TBC1D22B: variants seen among roughly 807,000 people sequenced by gnomAD.
TBC1D22B encodes the protein TBC1 domain family member 22B.
In TBC1D22B, 32 loss-of-function variants were observed where a neutral mutation model predicts 69.1. That is an observed-to-expected ratio of 0.46 (90% CI 0.35 to 0.62). TBC1D22B has a LOEUF of 0.62. TBC1D22B is among the 20% of genes least tolerant of loss of function. TBC1D22B has a pLI of 0.00. For synonymous variants in TBC1D22B, 206 were observed against 229.8 expected (o/e 0.90, Z 0.94); for missense variants, 462 against 630.9 (o/e 0.73, Z 2.87).
chr6:37,270,591 T>A (rs1183720837), intron 2 of TBC1D22B, among the ~76,000 whole-genome samples: 1 of 152,156 alleles, frequency 6.6e-6, no homozygotes, highest in Non-Finnish European at 1.5e-5. Context: ...TACCCCCAAT[T>A]ATCCCTTTAT....
intron 8 of TBC1D22B, among the ~76,000 whole-genome samples, chr6:37,295,093 A>T (rs945233827): frequency 4.6e-5 from 7 of 152,102 alleles, no homozygotes; most frequent in South Asian, 2.1e-4. Context: ...TCCAATTTTT[A>T]AAAAAATTTT....
At chr6:37,315,070 G>T (rs555700190) in intron 10 of TBC1D22B, among the ~76,000 whole-genome samples, 39 of 152,240 alleles carry the variant, frequency 2.6e-4, no homozygotes, top group Admixed American at 1.3e-4. Flanking sequence ...TCTTCTGGGG[G>T]ATAAGCTGGC....
rs1190367457 is a variant in TBC1D22B, at chr6:37,276,917, T to A, written c.114-2387T>A. ...AAACAAACAAAAATATATATATATA[T>A]AAAACGAAAACCTTCAAATGCATAA... is the stretch of plus-strand genomic sequence containing the variant. On this transcript the variant is annotated intron_variant, in intron 2 of 12. Coordinates refer to ENST00000373491, the MANE Select transcript of TBC1D22B (RefSeq NM_017772.4). Among the ~76,000 whole-genome samples the A allele has an allele frequency of 4.0e-5, 6 of 151,212 alleles. 1 individual carries two copies. Among genetic ancestry groups the A allele is most frequent in the South Asian group, 4.2e-4 (2 of 4,814 alleles).
At chr6:37,289,845 A>T (rs971453071) in intron 7 of TBC1D22B, among the ~76,000 whole-genome samples, 1 of 152,040 alleles carries the variant, frequency 6.6e-6, no homozygotes, top group African/African-American at 2.4e-5. Context: ...TTCCCATTAG[A>T]GTGTTGGGCC....
intron 12 of TBC1D22B, among the ~76,000 whole-genome samples, chr6:37,330,516 G>A (rs1034514610): frequency 1.3e-5 from 2 of 152,078 alleles, no homozygotes; most frequent in Admixed American, 6.5e-5. Flanking sequence ...GATTACAGGC[G>A]TGAGCCACCG....
intron 3 of TBC1D22B, among the ~76,000 whole-genome samples, chr6:37,280,992 C>T (rs566451745): frequency 3.3e-5 from 5 of 152,330 alleles, no homozygotes; most frequent in East Asian, 1.9e-4. Flanking sequence ...CCAACTGCCT[C>T]GTGGAAGTTG....
chr6:37,328,647 T>C (rs1768497295), intron 12 of TBC1D22B, among the ~76,000 whole-genome samples: 1 of 152,222 alleles, frequency 6.6e-6, no homozygotes. Flanking sequence ...GGAAAAGGAC[T>C]GGAAGGAAAT....
chr6:37,309,330 T>C (rs1767833379), intron 8 of TBC1D22B, among the ~76,000 whole-genome samples: 1 of 152,226 alleles, frequency 6.6e-6, no homozygotes, highest in Non-Finnish European at 1.5e-5. Context: ...ACAGCGATGC[T>C]CCTGTTGCCC....
chr6:37,306,970 T>G (rs1767739721), intron 8 of TBC1D22B, among the ~76,000 whole-genome samples: 1 of 152,200 alleles, frequency 6.6e-6, no homozygotes, highest in Non-Finnish European at 1.5e-5. Flanking sequence ...ACCATCTCAT[T>G]GGAGTGGCCA....
At chr6:37,308,387 C>A (rs1022227785) in intron 8 of TBC1D22B, among the ~76,000 whole-genome samples, 2 of 152,238 alleles carry the variant, frequency 1.3e-5, no homozygotes, top group African/African-American at 4.8e-5. Flanking sequence ...CCTTTCTCCA[C>A]TGCTTTTTGC....
At chr6:37,315,695 C>T (rs962034003) in intron 10 of TBC1D22B, among the ~76,000 whole-genome samples, 8 of 152,122 alleles carry the variant, frequency 5.3e-5, no homozygotes, top group African/African-American at 1.9e-4. Flanking sequence ...CCCACCTCAG[C>T]CTCCTGAGTT....
Position 37,327,200 on chromosome 6 carries a change from C to T in TBC1D22B, c.1390-3844C>T, listed in dbSNP as rs544605045. On this transcript the variant is annotated intron_variant, in intron 12 of 12. Transcript: ENST00000373491. ...TTTAAAAAATAAGTTGAGATAGGGC[C>T]GGGCGCGGTGGCTCGCGCCTGTAAT... 6.3e-5 allele frequency among the ~76,000 whole-genome samples: 6 copies of T among 95,048 alleles called. No individual in the cohort carries two copies. The South Asian group carries it at 8.4e-4, about 13-fold the overall frequency. 62.4% of individuals were successfully genotyped at this position (95,048 alleles called of 152,430 possible).
chr6:37,285,760 T>C (rs182149829), intron 6 of TBC1D22B, among the ~76,000 whole-genome samples: 41 of 152,356 alleles, frequency 2.7e-4, no homozygotes, highest in Admixed American at 2.5e-3. Flanking sequence ...CCCAAAGTGC[T>C]GGGATTACAG....
At chr6:37,304,978 A>T (rs1227304397) in intron 8 of TBC1D22B, among the ~76,000 whole-genome samples, 1 of 152,226 alleles carries the variant, frequency 6.6e-6, no homozygotes, top group African/African-American at 2.4e-5. Flanking sequence ...CCGCCTTCAC[A>T]CTGAGGAGAT....
chr6:37,286,815 G>T (rs1288008337), intron 6 of TBC1D22B, among the ~76,000 whole-genome samples, 192 bp from the exon 7 acceptor site: 2 of 151,886 alleles, frequency 1.3e-5, no homozygotes, highest in South Asian at 4.2e-4. Flanking sequence ...CTGGTGGCAG[G>T]TGCCTGTAAT....
Position 37,328,925 on chromosome 6 carries a change from C to T in TBC1D22B, c.1390-2119C>T, listed in dbSNP as rs372954631. ...TATTTTTAGTAGAGACGGGGTTTCACCATGTTGGCCAGGCTGGTCTCAAAC... is the reference window on the plus strand; with the variant it reads ...TATTTTTAGTAGAGACGGGGTTTCATCATGTTGGCCAGGCTGGTCTCAAAC... On this transcript the variant is annotated intron_variant, in intron 12 of 12. Transcript: ENST00000373491. Among the ~76,000 whole-genome samples the T allele has an allele frequency of 4.5e-4, 68 of 152,170 alleles. 1 individual carries two copies. The South Asian group carries it at 0.013, about 30-fold the overall frequency.
At chr6:37,271,303 ACT>A (rs910086497) in intron 2 of TBC1D22B, among the ~76,000 whole-genome samples, 8 of 152,124 alleles carry the variant, frequency 5.3e-5, no homozygotes, top group Non-Finnish European at 2.9e-5. Flanking sequence ...ACAGAGCAAG[ACT>A]CTGTCTCAAA....
rs150904349 is a variant in TBC1D22B, at chr6:37,321,895, G to A, written c.1389+4689G>A. Among the ~76,000 whole-genome samples, 787 of 152,216 alleles carry A rather than the reference G, an allele frequency of 5.2e-3. 10 individuals are homozygous for A. Among genetic ancestry groups the A allele is most frequent in the African/African-American group, 0.017 (722 of 41,508 alleles). ...TTTTCATCTGGGTGGTGGTTAATTGGGTGTGTACTTATGTAAAAAGTCATC... is the reference window on the plus strand; with the variant it reads ...TTTTCATCTGGGTGGTGGTTAATTGAGTGTGTACTTATGTAAAAAGTCATC... On this transcript the variant is annotated intron_variant, in intron 12 of 12. Coordinates refer to ENST00000373491, the MANE Select transcript of TBC1D22B (RefSeq NM_017772.4).
intron 2 of TBC1D22B, among the ~76,000 whole-genome samples, chr6:37,272,101 T>G (rs906346679): frequency 2.0e-5 from 3 of 152,056 alleles, no homozygotes; most frequent in African/African-American, 7.2e-5. Flanking sequence ...ATAGGGTCGC[T>G]CTATTGAGGC....
Sources: gnomAD v4.1 joint callset for allele counts (sites outside exome capture counted in the v4.1 genomes callset) on GRCh38, gnomAD v4.1.1 for gene constraint, MANE v1.5 for transcripts, NCBI Gene and HGNC (gene_info 2026-07-23, HGNC 2026-07-21) for gene names.